The following COL25A1 variants were observed in gnomAD, a reference collection of about 807,000 sequenced individuals.
COL25A1 encodes the protein collagen alpha-1(XXV) chain.
In COL25A1, 103 loss-of-function variants were observed where a neutral mutation model predicts 128.4. The observed-to-expected ratio is 0.80, with a 90% CI of 0.68 to 0.94. COL25A1 has a LOEUF of 0.94. Ranked by LOEUF, COL25A1 falls within the 40% of genes least tolerant of loss-of-function variation. The pLI, the probability that COL25A1 is intolerant of heterozygous loss-of-function variation, is 0.00. For synonymous variants in COL25A1, 279 were observed against 277.2 expected (o/e 1.01, Z -0.06); for missense variants, 745 against 840.0 (o/e 0.89, Z 1.40).
At chr4:109,230,439 T>C (rs1184626197) in intron 3 of COL25A1, among the ~76,000 whole-genome samples, 2 of 152,224 alleles carry the variant, frequency 1.3e-5, no homozygotes, top group Non-Finnish European at 2.9e-5. Context: ...TTTTCAATTA[T>C]TTAAATCACT....
intron 34 of COL25A1, among the ~76,000 whole-genome samples, chr4:108,824,923 G>A (rs1272384527): frequency 1.3e-5 from 2 of 152,166 alleles, no homozygotes; most frequent in Non-Finnish European, 2.9e-5. Context: ...TCATGCTGAT[G>A]TTAAGAGTAC....
chr4:108,897,612 G>A (rs1244866082), intron 15 of COL25A1, among the ~76,000 whole-genome samples: 1 of 152,174 alleles, frequency 6.6e-6, no homozygotes, highest in Non-Finnish European at 1.5e-5. Context: ...ACTACACTGT[G>A]TGTAAAGCAA....
chr4:108,947,082 T>C (rs1748849436), intron 8 of COL25A1, among the ~76,000 whole-genome samples: 1 of 152,172 alleles, frequency 6.6e-6, no homozygotes, highest in Non-Finnish European at 1.5e-5. Flanking sequence ...AATTCAGCTA[T>C]AGATTCACTG....
chr4:108,845,871 G>T (rs1735026583), intron 28 of COL25A1, among the ~76,000 whole-genome samples: 1 of 151,936 alleles, frequency 6.6e-6, no homozygotes, highest in African/African-American at 2.4e-5. Flanking sequence ...AAATTAAAGT[G>T]GCCAACTATG....
At chr4:109,276,992 T>A (rs1722912875) in intron 3 of COL25A1, among the ~76,000 whole-genome samples, 1 of 152,174 alleles carries the variant, frequency 6.6e-6, no homozygotes, top group African/African-American at 2.4e-5. Context: ...CTGCTGTTAT[T>A]CCTACAAGAT....
intron 8 of COL25A1, among the ~76,000 whole-genome samples, chr4:108,959,477 A>G (rs1750430184): frequency 6.6e-6 from 1 of 152,154 alleles, no homozygotes; most frequent in South Asian, 2.1e-4. Flanking sequence ...AGGAAAAAAT[A>G]AAGACATTGA....
intron 18 of COL25A1, among the ~76,000 whole-genome samples, chr4:108,886,472 G>GTA (rs1740801032): frequency 1.7e-5 from 2 of 120,990 alleles, no homozygotes; most frequent in African/African-American, 3.1e-5. Flanking sequence ...GTGTGTGTGT[G>GTA]TGTGTGTGTG....
intron 13 of COL25A1, among the ~76,000 whole-genome samples, chr4:108,911,891 T>C (rs1218926115): frequency 6.6e-6 from 1 of 151,706 alleles, no homozygotes; most frequent in East Asian, 1.9e-4. Context: ...CGTTCAACTG[T>C]TTATTCTTCC....
At chr4:108,950,479 A>G (rs1435805880) in intron 8 of COL25A1, among the ~76,000 whole-genome samples, 2 of 152,208 alleles carry the variant, frequency 1.3e-5, no homozygotes, top group Non-Finnish European at 2.9e-5. Context: ...CCTTCTGGCT[A>G]GCCACTCTCA....
At chr4:108,989,062 T>C (rs1259222284) in intron 6 of COL25A1, among the ~76,000 whole-genome samples, 1 of 152,230 alleles carries the variant, frequency 6.6e-6, no homozygotes, top group African/African-American at 2.4e-5. Context: ...CCTATTCTCA[T>C]CTCAGATCAT....
chr4:109,254,142 T>C (rs1019737338), intron 3 of COL25A1, among the ~76,000 whole-genome samples: 2 of 150,406 alleles, frequency 1.3e-5, no homozygotes, highest in Non-Finnish European at 3.0e-5. Flanking sequence ...AAAACCCTGA[T>C]GAATCCCACC....
chr4:109,225,487 T>C (rs572469425), intron 3 of COL25A1, among the ~76,000 whole-genome samples: 2 of 152,166 alleles, frequency 1.3e-5, no homozygotes, highest in Non-Finnish European at 2.9e-5. Flanking sequence ...GAAAACGGAA[T>C]ACTTACACAC....
In COL25A1 at chr4:108,813,825, A is replaced by C; in HGVS notation, c.*102T>G. On this transcript the variant is annotated 3_prime_UTR_variant, in exon 38 of 38. Transcript: ENST00000399132. ...CCAGCAGGAAGAAGCAGCCCTATGT[A>C]AACATATCTCAGACTTGTAAAATCT... 1 of 908,784 alleles carries C rather than the reference A, an allele frequency of 1.1e-6. No individual in the cohort carries two copies. The highest frequency in any genetic ancestry group is 1.8e-6 in the Non-Finnish European group (1 of 565,016). 56.3% of individuals were successfully genotyped at this position (908,784 alleles called of 1,614,324 possible).
At chr4:108,890,300 C>T (rs1208281423) in intron 16 of COL25A1, among the ~76,000 whole-genome samples, 4 of 152,144 alleles carry the variant, frequency 2.6e-5, no homozygotes, top group South Asian at 2.1e-4. Flanking sequence ...ACAATGGGCA[C>T]GTTTTTTCCA....
chr4:108,982,118 G>A (rs28481673), intron 6 of COL25A1, among the ~76,000 whole-genome samples: 98,087 of 151,962 alleles, frequency 0.65, 32,371 homozygotes, highest in Non-Finnish European at 0.73. Context: ...CGCTTGAACC[G>A]AAGAGGCGGA....
chr4:108,953,875 A>G (rs1205097441), intron 8 of COL25A1, among the ~76,000 whole-genome samples: 1 of 152,194 alleles, frequency 6.6e-6, no homozygotes, highest in African/African-American at 2.4e-5. Flanking sequence ...AAACAAAACA[A>G]CTGTAGGACT....
chr4:108,953,790 C>T (rs557606081), intron 8 of COL25A1, among the ~76,000 whole-genome samples: 1 of 152,080 alleles, frequency 6.6e-6, no homozygotes, highest in Non-Finnish European at 1.5e-5. Flanking sequence ...AATGAAAATA[C>T]ATTTGATAGT....
intron 8 of COL25A1, among the ~76,000 whole-genome samples, chr4:108,964,346 C>T (rs1751067265): frequency 6.6e-6 from 1 of 151,748 alleles, no homozygotes; most frequent in South Asian, 2.1e-4. Context: ...TAAAGGCTCA[C>T]ATCTCAGGCA....
At chr4:109,289,322 A>C (rs940061344) in intron 3 of COL25A1, among the ~76,000 whole-genome samples, 4 of 151,990 alleles carry the variant, frequency 2.6e-5, no homozygotes, top group Non-Finnish European at 5.9e-5. Context: ...ATGTTTTTAA[A>C]CTCTCCTTTG....
Sources: gnomAD v4.1 joint callset for allele counts (sites outside exome capture counted in the v4.1 genomes callset) on GRCh38, gnomAD v4.1.1 for gene constraint, MANE v1.5 for transcripts, NCBI Gene and HGNC (gene_info 2026-07-23, HGNC 2026-07-21) for gene names.